Variants in ZBED2 observed in about 807,000 individuals in gnomAD.
The protein encoded by ZBED2 is zinc finger BED-type containing 2, also known as zinc finger BED domain-containing protein 2.
For missense variants in ZBED2, 285 were observed against 281.0 expected, an observed-to-expected ratio of 1.01 and a Z score of -0.10; for synonymous variants, 97 against 98.8, an observed-to-expected ratio of 0.98 and a Z score of 0.11.
Position 111,593,573 on chromosome 3 carries a change from G to T in ZBED2, c.629C>A (p.Ala210Glu). 1.3e-6 allele frequency: 2 copies of T among 1,538,474 alleles called. No individual in the cohort carries two copies. Among genetic ancestry groups the T allele is most frequent in the Non-Finnish European group, 1.8e-6 (2 of 1,141,628 alleles). Residue 210 changes from alanine (A) to glutamate (E), a missense_variant, in exon 2 of 2, where the codon GCA (alanine) becomes GAA (glutamate). Ala to Glu is a moderately radical substitution (Grantham distance 107). Transcript: ENST00000317012. ...AACAAAATGGAAGGGATGTACTGCT[G>T]CAGGCAGCTCTTTCTCCCGCTGGCA... is the stretch of plus-strand genomic sequence containing the variant. ...EACQREKELP[A>E]AVHPFHFV
chr3:111,593,470 T>G lies in ZBED2; in HGVS notation c.*75A>C. ...GTCACCAAACTACTTTGCTTTACAT[T>G]TGAGTTGAAACTAAAATGGCTCTTT... On this transcript the variant is annotated 3_prime_UTR_variant, in exon 2 of 2. Coordinates refer to ENST00000317012, the MANE Select transcript of ZBED2 (RefSeq NM_024508.5). The G allele has an allele frequency of 6.7e-7, 1 of 1,486,354 alleles. No homozygotes were observed. The highest frequency in any genetic ancestry group is 8.9e-7 in the Non-Finnish European group (1 of 1,119,804). 92.1% of individuals were successfully genotyped at this position (1,486,354 alleles called of 1,614,324 possible).
Position 111,594,315 on chromosome 3 carries a change from C to A in ZBED2, c.-114G>T. Reference sequence around the variant, plus strand: ...GGGCCTGTGGTAACTCTTGGGGATTCACAATAATGGCCAAAGTCTGGCCAC... The same window carrying A: ...GGGCCTGTGGTAACTCTTGGGGATTAACAATAATGGCCAAAGTCTGGCCAC... On this transcript the variant is annotated 5_prime_UTR_variant, in exon 2 of 2. Coordinates refer to ENST00000317012, the MANE Select transcript of ZBED2 (RefSeq NM_024508.5). The A allele has an allele frequency of 1.5e-6, 2 of 1,340,934 alleles. No homozygotes were observed. Among genetic ancestry groups the A allele is most frequent in the Non-Finnish European group, 2.0e-6 (2 of 983,576 alleles). The allele number at this position is 1,340,934 out of a possible 1,614,324, so 83.1% of individuals were successfully genotyped here.
Position 111,594,139 on chromosome 3 carries a change from C to A in ZBED2, c.63G>T (p.Glu21Asp), listed in dbSNP as rs146458525. The part of the protein sequence containing the change: ...GTMMKAKGDL[E>D]MKEEEEISET... ...CACTAATCTCTTCCTCCTCCTTCAT[C>A]TCTAAGTCCCCTTTTGCCTTCATCA... Residue 21 changes from glutamate (E) to aspartate (D), a missense_variant, in exon 2 of 2, where the codon GAG (glutamate) becomes GAT (aspartate). Physicochemically the swap from Glu to Asp is conservative, Grantham distance 45. Coordinates refer to ENST00000317012, the MANE Select transcript of ZBED2 (RefSeq NM_024508.5). 3.6e-5 allele frequency: 58 copies of A among 1,613,438 alleles called. No individual in the cohort carries two copies. In the African/African-American group the frequency reaches 7.2e-4, roughly 20 times the overall value.
At position 111,593,650 on chromosome 3, in the gene ZBED2, C is replaced by T. The variant is rs1314375338; in HGVS notation, c.552G>A (p.Val184=). Residue 184 remains valine, a synonymous_variant, in exon 2 of 2, where the codon GTG becomes GTA. Transcript: ENST00000317012. ...ACTTCATCTCCAGGATGGCCCTTTC[C>T]ACCTCCTCCAGGGCTCGCTCCCTTT... ...VEKRERALEE[V]ERAILEMKWK... is the part of the protein sequence containing the mutation. 6.2e-7 allele frequency: 1 copy of T among 1,606,210 alleles called. No individual in the cohort carries two copies. Among genetic ancestry groups the T allele is most frequent in the South Asian group, 1.1e-5 (1 of 90,166 alleles).
rs1937090727 is a variant in ZBED2 at position 111,593,482 on chromosome 3, T to A, written c.*63A>T. 6.7e-7 allele frequency: 1 copy of A among 1,497,016 alleles called. No individual in the cohort carries two copies. The highest frequency in any genetic ancestry group is 8.9e-7 in the Non-Finnish European group (1 of 1,125,204). 92.7% of individuals were successfully genotyped at this position (1,497,016 alleles called of 1,614,324 possible). On this transcript the variant is annotated 3_prime_UTR_variant, in exon 2 of 2. Transcript: ENST00000317012. ...CTTTGCTTTACATTTGAGTTGAAAC[T>A]AAAATGGCTCTTTTCTACAAGTCTA...
In ZBED2 at chr3:111,593,699, T is replaced by C; in HGVS notation, c.503A>G (p.Glu168Gly). The C allele has an allele frequency of 6.2e-7, 1 of 1,613,740 alleles. No individual in the cohort carries two copies. The highest frequency in any genetic ancestry group is 1.3e-5 in the African/African-American group (1 of 75,016). Residue 168 changes from glutamate (E) to glycine (G), a missense_variant, in exon 2 of 2, where the codon GAA (glutamate) becomes GGA (glycine). Coordinates refer to ENST00000317012, the MANE Select transcript of ZBED2 (RefSeq NM_024508.5). ...TTTTTCCACAGCCCTCTCCCGCCAT[T>C]CCACTGCCCTTTCCCTCCTAAGCAC... ...KEVLRRERAV[E>G]WRERAVEKRE...
chr3:111,594,325 G>A lies in ZBED2; in HGVS notation c.-124C>T. ...TAACTCTTGGGGATTCACAATAATG[G>A]CCAAAGTCTGGCCACACCTGGGTGG... On this transcript the variant is annotated 5_prime_UTR_variant, in exon 2 of 2. Transcript: ENST00000317012. 2.4e-6 allele frequency: 3 copies of A among 1,236,352 alleles called. No individual in the cohort carries two copies. The highest frequency in any genetic ancestry group is 1.6e-5 in the South Asian group (1 of 61,952). 76.6% of individuals were successfully genotyped at this position (1,236,352 alleles called of 1,614,324 possible).
At position 111,593,880 on chromosome 3, in the gene ZBED2, C is replaced by T. The variant is rs772779689; in HGVS notation, c.322G>A (p.Glu108Lys). Residue 108 changes from glutamate to lysine, a missense_variant, in exon 2 of 2, where the codon GAG (glutamate) becomes AAG (lysine). Transcript: ENST00000317012. ...LWKHLKSMHR[E>K]ELEKSGHGQA... is the part of the protein sequence containing the mutation. ...CCATGGCCACTCTTCTCCAGCTCCTCTCTGTGCATGCTTTTCAGATGCTTC... is the reference window on the plus strand; with the variant it reads ...CCATGGCCACTCTTCTCCAGCTCCTTTCTGTGCATGCTTTTCAGATGCTTC... 1 of 1,613,758 alleles carries T rather than the reference C, an allele frequency of 6.2e-7. No individual in the cohort carries two copies. Among genetic ancestry groups the T allele is most frequent in the Non-Finnish European group, 8.5e-7 (1 of 1,180,036 alleles).
At position 111,594,488 on chromosome 3, in the gene ZBED2, A is replaced by G. The variant is rs1168386649; in HGVS notation, c.-287T>C. 2.9e-6 allele frequency: 1 copy of G among 342,486 alleles called. No homozygotes were observed. The highest frequency in any genetic ancestry group is 2.1e-5 in the African/African-American group (1 of 47,718). 21.2% of individuals were successfully genotyped at this position (342,486 alleles called of 1,614,324 possible). On this transcript the variant is annotated 5_prime_UTR_variant, in exon 2 of 2. Coordinates refer to ENST00000317012, the MANE Select transcript of ZBED2 (RefSeq NM_024508.5). The stretch of plus-strand genomic sequence containing the variant: ...TGACTAGGCCAGAAAGACAAAACAT[A>G]TCAGTTCCTGTAGCAAAGGGGTTCT...
Position 111,593,175 on chromosome 3 carries a change from C to T in ZBED2, c.*370G>A, listed in dbSNP as rs1278939663. On this transcript the variant is annotated 3_prime_UTR_variant, in exon 2 of 2. Transcript: ENST00000317012. ...GGCACATTCCAGCTACCTAACCAGC[C>T]TCAGCCCTCAAAATCGTCAGCTCCA... 1.2e-5 allele frequency: 2 copies of T among 172,000 alleles called. No individual in the cohort carries two copies. The highest frequency in any genetic ancestry group is 2.4e-5 in the African/African-American group (1 of 42,082). 10.7% of individuals were successfully genotyped at this position (172,000 alleles called of 1,614,324 possible).
At position 111,594,317 on chromosome 3, in the gene ZBED2, C is replaced by T. The variant is rs1345514505; in HGVS notation, c.-116G>A. On this transcript the variant is annotated 5_prime_UTR_variant, in exon 2 of 2. The change creates a new upstream start codon in the 5' untranslated region. Transcript: ENST00000317012. ...GCCTGTGGTAACTCTTGGGGATTCA[C>T]AATAATGGCCAAAGTCTGGCCACAC... 4.6e-6 allele frequency: 6 copies of T among 1,291,402 alleles called. No homozygotes were observed. The African/African-American group carries it at 8.9e-5, about 19-fold the overall frequency. The allele number at this position is 1,291,402 out of a possible 1,614,324, so 80.0% of individuals were successfully genotyped here.
At position 111,593,592 on chromosome 3, in the gene ZBED2, G is replaced by A. The variant is rs181400868; in HGVS notation, c.610C>T (p.Arg204Trp). 38 of 1,550,348 alleles carry A rather than the reference G, an allele frequency of 2.5e-5. No homozygotes were observed. Among genetic ancestry groups the A allele is most frequent in the East Asian group, 6.8e-5 (3 of 44,210 alleles). The change falls in exon 2 of 2, where the codon CGG becomes TGG. Residue 204 changes from arginine to tryptophan, a missense_variant. Arg to Trp is a moderately radical substitution (Grantham distance 101). Transcript: ENST00000317012. ...ACTGCTGCAGGCAGCTCTTTCTCCCGCTGGCATGCCTCCTTCTCAGCCCTC... is the reference window on the plus strand; with the variant it reads ...ACTGCTGCAGGCAGCTCTTTCTCCCACTGGCATGCCTCCTTCTCAGCCCTC... ...KVRAEKEACQ[R>W]EKELPAAVHP...
At position 111,593,511 on chromosome 3, in the gene ZBED2, T is replaced by C. The variant is rs760677985; in HGVS notation, c.*34A>G. ...ATGGCTCTTTTCTACAAGTCTAGAG[T>C]CAATGTTTTCAGAATAGATTCTCCA... On this transcript the variant is annotated 3_prime_UTR_variant, in exon 2 of 2. Coordinates refer to ENST00000317012, the MANE Select transcript of ZBED2 (RefSeq NM_024508.5). 9 of 1,506,758 alleles carry C rather than the reference T, an allele frequency of 6.0e-6. No homozygotes were observed. The highest frequency in any genetic ancestry group is 2.8e-5 in the African/African-American group (2 of 71,528). 93.3% of individuals were successfully genotyped at this position (1,506,758 alleles called of 1,614,324 possible). A position where few individuals can be genotyped will look rare whatever the true frequency, so the allele number is the denominator to read the frequency against.
At position 111,594,346 on chromosome 3, in the gene ZBED2, G is replaced by T. The variant is rs576117528; in HGVS notation, c.-145C>A. ...AATGGCCAAAGTCTGGCCACACCTG[G>T]GTGGTGTGAGGTTTCTTCCTTTCTG... is the stretch of plus-strand genomic sequence containing the variant. On this transcript the variant is annotated 5_prime_UTR_variant, in exon 2 of 2. Transcript: ENST00000317012. 31 of 951,128 alleles carry T rather than the reference G, an allele frequency of 3.3e-5. No homozygotes were observed. Among genetic ancestry groups the T allele is most frequent in the Non-Finnish European group, 4.6e-5 (30 of 647,256 alleles). The allele number at this position is 951,128 out of a possible 1,614,324, so 58.9% of individuals were successfully genotyped here.
chr3:111,593,967 G>C lies in ZBED2; in HGVS notation c.235C>G (p.Arg79Gly). 2 of 1,614,140 alleles carry C rather than the reference G, an allele frequency of 1.2e-6. No individual in the cohort carries two copies. The highest frequency in any genetic ancestry group is 1.7e-6 in the Non-Finnish European group (2 of 1,180,044). Residue 79 changes from arginine to glycine, a missense_variant, in exon 2 of 2, where the codon CGC becomes GGC. Transcript: ENST00000317012. ...CGGCTCACCTGCCTGCCACACAGGC[G>C]GCAGGTGGCATACTGGTTGGGATGG... Reference protein sequence around the residue: ...GHHPNQYATCRLCGRQVSRGP... With the variant: ...GHHPNQYATCGLCGRQVSRGP...
At position 111,593,156 on chromosome 3, in the gene ZBED2, T is replaced by TCTCGGTGG; in HGVS notation, c.*388_*389insCCACCGAG. 3 of 165,810 alleles carry TCTCGGTGG rather than the reference T, an allele frequency of 1.8e-5. No homozygotes were observed. Among genetic ancestry groups the TCTCGGTGG allele is most frequent in the South Asian group, 1.8e-4 (1 of 5,692 alleles). 10.3% of individuals were successfully genotyped at this position (165,810 alleles called of 1,614,324 possible). A position where few individuals can be genotyped will look rare whatever the true frequency, so the allele number is the denominator to read the frequency against. ...CAAGTGAGCTGGTCACATAGGCACA[T>TCTCGGTGG]TCCAGCTACCTAACCAGCCTCAGCC... is the stretch of plus-strand genomic sequence containing the variant. On this transcript the variant is annotated 3_prime_UTR_variant, in exon 2 of 2. Transcript: ENST00000317012.
Position 111,594,118 on chromosome 3 carries a change from A to T in ZBED2, c.84T>A (p.Ile28=), listed in dbSNP as rs34083626. ...GGCCAACCAGTTCTCCTGTCTCACT[A>T]ATCTCTTCCTCCTCCTTCATCTCTA... is the stretch of plus-strand genomic sequence containing the variant. ...GDLEMKEEEE[I]SETGELVGPF... The change falls in exon 2 of 2, where the codon ATT becomes ATA. Residue 28 remains isoleucine, a synonymous_variant. Transcript: ENST00000317012. The T allele has an allele frequency of 9.0e-3, 14,551 of 1,613,984 alleles. 1,020 individuals carry two copies. In the African/African-American group the frequency reaches 0.16, roughly 18 times the overall value.
chr3:111,593,829 T>C lies in ZBED2; in HGVS notation c.373A>G (p.Arg125Gly). The part of the protein sequence containing the change: ...HGQAGQRQDP[R>G]PHGPQLPTGI... The stretch of plus-strand genomic sequence containing the variant: ...GTGGGGAGCTGGGGCCCGTGGGGCC[T>C]TGGATCCTGGCGCTGCCCAGCCTGA... The change falls in exon 2 of 2, where the codon AGG becomes GGG. Residue 125 changes from arginine to glycine, a missense_variant. Coordinates refer to ENST00000317012, the MANE Select transcript of ZBED2 (RefSeq NM_024508.5). 6.2e-7 allele frequency: 1 copy of C among 1,614,154 alleles called. No individual in the cohort carries two copies. Among genetic ancestry groups the C allele is most frequent in the African/African-American group, 1.3e-5 (1 of 75,062 alleles).
Position 111,593,693 on chromosome 3 carries a change from C to G in ZBED2, c.509G>C (p.Arg170Pro), listed in dbSNP as rs149628986. 1.2e-5 allele frequency: 19 copies of G among 1,613,716 alleles called. 1 individual carries two copies. The highest frequency in any genetic ancestry group is 1.7e-4 in the Middle Eastern group (1 of 6,056). ...VLRRERAVEWRERAVEKRERA... is the reference protein window; with the variant it reads ...VLRRERAVEWPERAVEKRERA... ...CTCCCTTTTTTCCACAGCCCTCTCC[C>G]GCCATTCCACTGCCCTTTCCCTCCT... The change falls in exon 2 of 2, where the codon CGG becomes CCG. Residue 170 changes from arginine to proline, a missense_variant. Transcript: ENST00000317012.
Sources: allele counts gnomAD v4.1 joint callset, GRCh38; gene constraint gnomAD v4.1.1; transcripts MANE v1.5; gene names NCBI Gene and HGNC (gene_info 2026-07-23, HGNC 2026-07-21).